CCNI: variants seen among roughly 807,000 people sequenced by gnomAD.
CCNI encodes the protein cyclin-I.
Under a neutral mutation model 34.1 loss-of-function variants are expected in CCNI, and 14 were observed. The observed-to-expected ratio is 0.41, with a 90% CI of 0.27 to 0.64. CCNI has a LOEUF of 0.64. Ranked by LOEUF, CCNI falls within the 30% of genes least tolerant of loss-of-function variation. The probability of loss-of-function intolerance (pLI) is 0.31; values close to 1 mark genes in which losing one functional copy is unlikely to be tolerated. For missense variants in CCNI, 385 were observed against 440.5 expected, an observed-to-expected ratio of 0.87 and a Z score of 1.13; for synonymous variants, 154 against 158.4, an observed-to-expected ratio of 0.97 and a Z score of 0.21.
intron 3 of CCNI, among the ~76,000 whole-genome samples, chr4:77,057,985 G>A (rs760264435): frequency 1.3e-5 from 2 of 152,166 alleles, no homozygotes; most frequent in African/African-American, 2.4e-5. Flanking sequence ...AGGCTAAAAA[G>A]TTATGAATAC....
intron 5 of CCNI, 57 bp from the exon 6 acceptor site, chr4:77,055,437 T>A (rs568281978): frequency 2.3e-5 from 26 of 1,118,762 alleles, no homozygotes; most frequent in Admixed American, 2.1e-5. Flanking sequence ...AAATTACATA[T>A]AGAAATTGAT....
intron 2 of CCNI, among the ~76,000 whole-genome samples, chr4:77,063,097 G>A (rs1310580620): frequency 1.3e-5 from 2 of 152,084 alleles, no homozygotes; most frequent in African/African-American, 4.8e-5. Flanking sequence ...GAAACACATA[G>A]AAGGTGAGTG....
chr4:77,059,479 A>C (rs1025989457), intron 2 of CCNI, among the ~76,000 whole-genome samples: 2 of 151,744 alleles, frequency 1.3e-5, no homozygotes, highest in African/African-American at 4.8e-5. Context: ...TTAAAACAAC[A>C]ATGTTTTGTG....
chr4:77,054,536 T>C (rs1236227709), intron 6 of CCNI, among the ~76,000 whole-genome samples: 1 of 152,198 alleles, frequency 6.6e-6, no homozygotes. Context: ...TCACCAACTT[T>C]CCATTTGAAT....
At chr4:77,058,740 T>C in intron 2 of CCNI, 105 bp from the exon 3 acceptor site, 2 of 883,868 alleles carry the variant, frequency 2.3e-6, no homozygotes, top group South Asian at 3.5e-5. Context: ...ACAAAATATA[T>C]TTAAAAATGT....
rs754068904 is a variant in CCNI at position 77,066,369 on chromosome 4, C to G, written c.-7G>C. Reference sequence around the variant, plus strand: ...AAGGCCCTGGAAACTTCATGATATCCTTTGGATCTGCCTGCTACCCAGCTT... The same window carrying G: ...AAGGCCCTGGAAACTTCATGATATCGTTTGGATCTGCCTGCTACCCAGCTT... On this transcript the variant is annotated 5_prime_UTR_variant, in exon 2 of 7. Transcript: ENST00000237654. The G allele has an allele frequency of 1.9e-6, 3 of 1,613,910 alleles. No homozygotes were observed. In the South Asian group the frequency reaches 3.3e-5, roughly 18 times the overall value.
chr4:77,055,500 T>C (rs1473781337), intron 5 of CCNI, 120 bp from the exon 6 acceptor site: 6 of 694,678 alleles, frequency 8.6e-6, no homozygotes, highest in Non-Finnish European at 1.4e-5. Flanking sequence ...TCTCACTCTG[T>C]TGCCCAGGCT....
chr4:77,054,283 T>C (rs746910124), intron 6 of CCNI, among the ~76,000 whole-genome samples: 43 of 152,202 alleles, frequency 2.8e-4, no homozygotes, highest in Non-Finnish European at 5.1e-4. Flanking sequence ...AATTAGTTTA[T>C]TGCAAAATGT....
At position 77,052,233 on chromosome 4, in the gene CCNI, C is replaced by T. The variant is rs933521573; in HGVS notation, c.690+2917G>A. On this transcript the variant is annotated intron_variant, in intron 6 of 6. Transcript: ENST00000237654. ...TGTGGTATTTGGTTTTCTGTTCCTGCGTTAATTCACTCAGGATAATGGCCT... is the reference window on the plus strand; with the variant it reads ...TGTGGTATTTGGTTTTCTGTTCCTGTGTTAATTCACTCAGGATAATGGCCT... Among the ~76,000 whole-genome samples the T allele has an allele frequency of 3.3e-5, 5 of 151,808 alleles. 1 individual carries two copies. In the East Asian group the frequency reaches 9.7e-4, roughly 29 times the overall value.
At chr4:77,051,452 AAT>A (rs1727827400) in intron 6 of CCNI, among the ~76,000 whole-genome samples, 1 of 152,138 alleles carries the variant, frequency 6.6e-6, no homozygotes, top group Admixed American at 6.6e-5. Context: ...AAACGAAGTA[AAT>A]AGAGTTATAT....
chr4:77,052,472 C>T (rs4252921), intron 6 of CCNI, among the ~76,000 whole-genome samples: 5,644 of 152,006 alleles, frequency 0.037, 362 homozygotes, highest in African/African-American at 0.13. Context: ...CAACAGGTGG[C>T]GCAAGAGCTT....
intron 4 of CCNI, 31 bp from the exon 5 acceptor site, chr4:77,056,133 G>T: frequency 6.2e-7 from 1 of 1,608,860 alleles, no homozygotes; most frequent in South Asian, 1.1e-5. Flanking sequence ...CAGGGACAGG[G>T]AGAAAAGGAC....
At chr4:77,049,363 T>A (rs539392031) in intron 6 of CCNI, among the ~76,000 whole-genome samples, 1 of 152,170 alleles carries the variant, frequency 6.6e-6, no homozygotes, top group Non-Finnish European at 1.5e-5. Context: ...GCCACGGTCA[T>A]CTGTTTCTAT....
At chr4:77,070,709 G>A (rs1171392511) in intron 1 of CCNI, among the ~76,000 whole-genome samples, 2 of 152,070 alleles carry the variant, frequency 1.3e-5, no homozygotes, top group Admixed American at 1.3e-4. Context: ...ACGGAATGTA[G>A]GCCAGGTGCT....
At chr4:77,053,747 C>T (rs1008805056) in intron 6 of CCNI, among the ~76,000 whole-genome samples, 3 of 152,226 alleles carry the variant, frequency 2.0e-5, no homozygotes, top group African/African-American at 7.2e-5. Context: ...AAGCCTATTC[C>T]TCTACTTCAC....
intron 1 of CCNI, among the ~76,000 whole-genome samples, chr4:77,071,242 A>C (rs1466569977): frequency 6.6e-6 from 1 of 152,244 alleles, no homozygotes; most frequent in Non-Finnish European, 1.5e-5. Flanking sequence ...TATTGTAATA[A>C]CTTTTTTTAA....
intron 2 of CCNI, among the ~76,000 whole-genome samples, chr4:77,058,962 T>C (rs1438965100): frequency 7.2e-6 from 1 of 139,786 alleles, no homozygotes; most frequent in African/African-American, 2.5e-5. Context: ...GATAGTAATT[T>C]GGAGTTAAGT....
chr4:77,072,657 A>AAAAG (rs1553987788), intron 1 of CCNI, among the ~76,000 whole-genome samples: 7 of 146,934 alleles, frequency 4.8e-5, no homozygotes, highest in African/African-American at 1.8e-4. Context: ...AAAAAAAAAA[A>AAAAG]AAAAGAAAAG....
At chr4:77,070,816 C>T (rs569473895) in intron 1 of CCNI, among the ~76,000 whole-genome samples, 5 of 152,068 alleles carry the variant, frequency 3.3e-5, no homozygotes, top group Non-Finnish European at 5.9e-5. Flanking sequence ...CAGTAGTTCA[C>T]GACCAGCCTG....
Sources: allele counts gnomAD v4.1 joint callset (sites outside exome capture counted in the v4.1 genomes callset), GRCh38; gene constraint gnomAD v4.1.1; transcripts MANE v1.5; gene names NCBI Gene and HGNC (gene_info 2026-07-23, HGNC 2026-07-21).